Variants in TAF1B observed in about 807,000 individuals in gnomAD.
TAF1B encodes TATA-box binding protein associated factor, RNA polymerase I subunit B, also known as TATA box-binding protein-associated factor RNA polymerase I subunit B.
TAF1B carries 61 observed loss-of-function variants against 83.9 expected under a neutral mutation model. That is an observed-to-expected ratio of 0.73 (90% CI 0.59 to 0.90). TAF1B has a LOEUF of 0.90. Ranked by LOEUF, TAF1B falls within the 40% of genes least tolerant of loss-of-function variation. The probability of loss-of-function intolerance (pLI) is 0.00; values close to 1 mark genes in which losing one functional copy is unlikely to be tolerated. For synonymous variants in TAF1B, 221 were observed against 224.6 expected (o/e 0.98, Z 0.14); for missense variants, 625 against 677.0 (o/e 0.92, Z 0.85).
chr2:9,868,477 C>T (rs1474572933), intron 6 of TAF1B, 48 bp downstream of exon 6: 2 of 1,577,412 alleles, frequency 1.3e-6, no homozygotes, highest in Non-Finnish European at 1.7e-6. Flanking sequence ...TGTTATGCCC[C>T]TTAAAAATAA....
intron 12 of TAF1B, among the ~76,000 whole-genome samples, chr2:9,916,060 A>G (rs1340100630): frequency 6.6e-6 from 1 of 152,256 alleles, no homozygotes; most frequent in East Asian, 1.9e-4. Flanking sequence ...GTTGCCTGAG[A>G]TCAAGGGTTG....
At chr2:9,918,925 G>T in intron 12 of TAF1B, 116 bp from the exon 13 acceptor site, 2 of 876,584 alleles carry the variant, frequency 2.3e-6, no homozygotes, top group Non-Finnish European at 3.7e-6. Context: ...GTGCCAGTAG[G>T]CCATTCCAAG....
At chr2:9,845,755 G>A (rs969233559) in intron 2 of TAF1B, 19 of 253,952 alleles carry the variant, frequency 7.5e-5, no homozygotes, top group African/African-American at 4.1e-4. Flanking sequence ...GGCTAAGGCA[G>A]GTGGATCACC....
intron 8 of TAF1B, among the ~76,000 whole-genome samples, chr2:9,890,029 C>G (rs1277074156): frequency 6.6e-6 from 1 of 151,814 alleles, no homozygotes; most frequent in African/African-American, 2.4e-5. Context: ...CTCTGGATCT[C>G]TCTGTCTATG....
At position 9,875,418 on chromosome 2, in the gene TAF1B, C is replaced by G. The variant is rs528682766; in HGVS notation, c.554-447C>G. ...TAGTTTTAAGATAATTGTATTAGTC[C>G]ATTTTCTTACTGCTATGAAGAAATA... On this transcript the variant is annotated intron_variant, in intron 6 of 14. Coordinates refer to ENST00000263663, the MANE Select transcript of TAF1B (RefSeq NM_005680.3). Among the ~76,000 whole-genome samples, 3 of 152,220 alleles carry G rather than the reference C, an allele frequency of 2.0e-5. No homozygotes were observed. In the East Asian group the frequency reaches 5.8e-4, roughly 29 times the overall value.
At chr2:9,891,141 A>G (rs1664860894) in intron 8 of TAF1B, among the ~76,000 whole-genome samples, 2 of 152,374 alleles carry the variant, frequency 1.3e-5, no homozygotes, top group African/African-American at 2.4e-5. Context: ...AATGGATCAC[A>G]TATACAACGG....
intron 5 of TAF1B, among the ~76,000 whole-genome samples, chr2:9,867,634 A>G (rs1257364615): frequency 1.3e-5 from 2 of 152,134 alleles, no homozygotes; most frequent in African/African-American, 2.4e-5. Context: ...TTGCCTGGGT[A>G]ATGTCAGCTA....
At chr2:9,905,162 G>C (rs768247698) in intron 9 of TAF1B, among the ~76,000 whole-genome samples, 156 bp downstream of exon 9, 1 of 152,112 alleles carries the variant, frequency 6.6e-6, no homozygotes. Context: ...AAATAATTCA[G>C]ACCTTTTAAA....
At chr2:9,868,153 G>A (rs981846368) in intron 5 of TAF1B, 123 bp from the exon 6 acceptor site, 1 of 944,878 alleles carries the variant, frequency 1.1e-6, no homozygotes, top group African/African-American at 1.7e-5. Flanking sequence ...GACTTGGCAG[G>A]CAGTTGCAGT....
chr2:9,869,946 A>G (rs1295158706), intron 6 of TAF1B, among the ~76,000 whole-genome samples: 1 of 152,188 alleles, frequency 6.6e-6, no homozygotes, highest in African/African-American at 2.4e-5. Context: ...AGAAAATAAA[A>G]TCACCAGTTA....
At chr2:9,881,203 G>A (rs1389716050) in intron 7 of TAF1B, among the ~76,000 whole-genome samples, 3 of 152,008 alleles carry the variant, frequency 2.0e-5, no homozygotes, top group Non-Finnish European at 4.4e-5. Context: ...GCATGGTGGT[G>A]GGTGCCTGTA....
Position 9,934,054 on chromosome 2 carries a change from T to G in TAF1B, c.*70T>G. 8.0e-7 allele frequency: 1 copy of G among 1,256,778 alleles called. No homozygotes were observed. The highest frequency in any genetic ancestry group is 2.5e-5 in the East Asian group (1 of 39,528). The allele number at this position is 1,256,778 out of a possible 1,614,324, so 77.9% of individuals were successfully genotyped here. ...AATAACATCAGATTTTAATATAACATTCCAGAGAATTGTGGAAAATACTGC... is the reference window on the plus strand; with the variant it reads ...AATAACATCAGATTTTAATATAACAGTCCAGAGAATTGTGGAAAATACTGC... On this transcript the variant is annotated 3_prime_UTR_variant, in exon 15 of 15. Coordinates refer to ENST00000263663, the MANE Select transcript of TAF1B (RefSeq NM_005680.3).
intron 10 of TAF1B, 52 bp downstream of exon 10, chr2:9,910,965 G>GT (rs770831760): frequency 4.7e-6 from 7 of 1,500,054 alleles, no homozygotes; most frequent in Non-Finnish European, 6.3e-6. Context: ...GCTGATCTTA[G>GT]TTTTTTAAGA....
At chr2:9,894,410 A>T (rs1664959058) in intron 8 of TAF1B, among the ~76,000 whole-genome samples, 3 of 152,302 alleles carry the variant, frequency 2.0e-5, no homozygotes, top group Non-Finnish European at 2.9e-5. Context: ...ATTAAATTTT[A>T]GTGGTAAATA....
At chr2:9,858,022 C>G (rs1663621326) in intron 5 of TAF1B, among the ~76,000 whole-genome samples, 1 of 152,190 alleles carries the variant, frequency 6.6e-6, no homozygotes. Flanking sequence ...AACAGTCTAC[C>G]AAAGTCTTAA....
At chr2:9,919,525 C>T in intron 13 of TAF1B, 73 bp from the exon 14 acceptor site, 5 of 1,321,956 alleles carry the variant, frequency 3.8e-6, no homozygotes, top group Non-Finnish European at 5.4e-6. Context: ...ACATTCCTAT[C>T]AAGTAAATTC....
chr2:9,844,956 T>C (rs898094541), intron 1 of TAF1B, among the ~76,000 whole-genome samples: 2 of 152,238 alleles, frequency 1.3e-5, no homozygotes, highest in Non-Finnish European at 2.9e-5. Flanking sequence ...TACTCATCTT[T>C]GGTTCCAGTT....
At chr2:9,901,374 C>T (rs1363245709) in intron 8 of TAF1B, among the ~76,000 whole-genome samples, 1 of 152,138 alleles carries the variant, frequency 6.6e-6, no homozygotes, top group Non-Finnish European at 1.5e-5. Context: ...ATTATTTTCT[C>T]CTCAATTCAT....
intron 9 of TAF1B, among the ~76,000 whole-genome samples, chr2:9,908,632 G>C (rs947004290): frequency 6.6e-6 from 1 of 152,176 alleles, no homozygotes; most frequent in African/African-American, 2.4e-5. Context: ...GTAAATGCTT[G>C]TTGAATTGAG....
Sources: allele counts gnomAD v4.1 joint callset (sites outside exome capture counted in the v4.1 genomes callset), GRCh38; gene constraint gnomAD v4.1.1; transcripts MANE v1.5; gene names NCBI Gene and HGNC (gene_info 2026-07-23, HGNC 2026-07-21).